PIK3C2G: variants seen among roughly 807,000 people sequenced by gnomAD.
PIK3C2G encodes the protein phosphatidylinositol-4-phosphate 3-kinase catalytic subunit type 2 gamma.
A neutral mutation model predicts 181.1 loss-of-function variants in PIK3C2G; 168 were observed. That is an observed-to-expected ratio of 0.93 (90% CI 0.82 to 1.05). PIK3C2G has a LOEUF of 1.05. PIK3C2G is among the 50% of genes least tolerant of loss of function. PIK3C2G has a pLI of 0.00. For synonymous variants in PIK3C2G, 573 were observed against 592.2 expected (o/e 0.97, Z 0.47); for missense variants, 1,869 against 1,732.8 (o/e 1.08, Z -1.40).
chr12:18,721,715 T>TAA, the PIK3C2G span, among the ~76,000 whole-genome samples: 6 of 139,888 alleles, frequency 4.3e-5, no homozygotes, highest in South Asian at 4.6e-4. Context: ...GTCTTGCTAT[T>TAA]AAAAAAAAAA....
rs375054910 is a variant in PIK3C2G at position 18,640,495 on chromosome 12, G to T, written c.4249G>T (p.Val1417Phe). The change falls in exon 32 of 33, where the codon GTT becomes TTT. Residue 1417 changes from valine (V) to phenylalanine (F), a missense_variant. Physicochemically the swap from Val to Phe is conservative, Grantham distance 50. Transcript: ENST00000538779. ...TTATCTTTTACCATATCCCAGTGAA[G>T]TTCGTAGGAGGAAAACAAAATCTGT... ...EFYLLPYPSE[V>F]RRRKTKSVPK... is the part of the protein sequence containing the mutation. The T allele has an allele frequency of 1.3e-5, 21 of 1,606,956 alleles. No homozygotes were observed. The African/African-American group carries it at 2.3e-4, about 17-fold the overall frequency.
chr12:18,690,209 T>C, the PIK3C2G span, among the ~76,000 whole-genome samples: 4,944 of 151,970 alleles, frequency 0.033, 127 homozygotes, highest in South Asian at 0.089. Context: ...CACATCTGTT[T>C]TTTGTTTGTT....
chr12:18,688,048 G>A, the PIK3C2G span: 1 of 1,601,516 alleles, frequency 6.2e-7, no homozygotes, highest in South Asian at 1.1e-5. Context: ...TTTCCAACAA[G>A]AAGTCTAATG....
At chr12:18,543,507 AT>A (rs1447495341) in intron 25 of PIK3C2G, among the ~76,000 whole-genome samples, 2 of 151,668 alleles carry the variant, frequency 1.3e-5, no homozygotes, top group African/African-American at 4.8e-5. Flanking sequence ...TGTCTTCCAG[AT>A]TTTTATAGCT....
intron 31 of PIK3C2G, among the ~76,000 whole-genome samples, chr12:18,635,200 ATCTT>A: frequency 6.6e-6 from 1 of 152,182 alleles, no homozygotes; most frequent in East Asian, 1.9e-4. Context: ...ACCAGGCCTC[ATCTT>A]TCTTTCTCTT....
chr12:18,709,844 G>A, the PIK3C2G span, among the ~76,000 whole-genome samples: 1 of 151,980 alleles, frequency 6.6e-6, no homozygotes, highest in African/African-American at 2.4e-5. Flanking sequence ...TTTCATCCAT[G>A]TTTTATAGTT....
intron 3 of PIK3C2G, among the ~76,000 whole-genome samples, chr12:18,289,385 G>T (rs1487859747): frequency 6.6e-6 from 1 of 152,206 alleles, no homozygotes; most frequent in East Asian, 1.9e-4. Flanking sequence ...TCATGAATTT[G>T]TATTTTAAAT....
intron 1 of PIK3C2G, among the ~76,000 whole-genome samples, chr12:18,273,305 G>A (rs972030469): frequency 3.3e-5 from 5 of 152,054 alleles, no homozygotes; most frequent in African/African-American, 7.2e-5. Context: ...TTATTTCTGA[G>A]GGCTCTGTTC....
At chr12:18,619,257 C>G (rs1339088246) in intron 31 of PIK3C2G, among the ~76,000 whole-genome samples, 2 of 151,906 alleles carry the variant, frequency 1.3e-5, no homozygotes, top group African/African-American at 4.8e-5. Flanking sequence ...AGTGGAACGT[C>G]TTTAAAATGT....
intron 26 of PIK3C2G, among the ~76,000 whole-genome samples, chr12:18,551,310 A>G (rs1026788940): frequency 6.6e-6 from 1 of 152,068 alleles, no homozygotes; most frequent in African/African-American, 2.4e-5. Context: ...ATCCATTAAA[A>G]TGTTGTCCAA....
chr12:18,586,113 A>T (rs887317005), intron 29 of PIK3C2G, among the ~76,000 whole-genome samples: 1 of 152,182 alleles, frequency 6.6e-6, no homozygotes, highest in Non-Finnish European at 1.5e-5. Flanking sequence ...TCTCAAATTA[A>T]CAACCTAACA....
At chr12:18,260,788 C>A (rs191357860), upstream of PIK3C2G, among the ~76,000 whole-genome samples, 118 of 152,098 alleles carry the variant, frequency 7.8e-4, no homozygotes, top group African/African-American at 2.3e-3. Flanking sequence ...GTAAAGCAGG[C>A]CTACTTCTGG....
At chr12:18,332,769 G>T (rs184293028) in intron 8 of PIK3C2G, among the ~76,000 whole-genome samples, 2 of 152,244 alleles carry the variant, frequency 1.3e-5, no homozygotes, top group East Asian at 3.9e-4. Context: ...TCCTCGTGCA[G>T]CTTAGAGTTT....
chr12:18,428,335 T>TA (rs558543703), intron 18 of PIK3C2G, among the ~76,000 whole-genome samples: 459 of 141,844 alleles, frequency 3.2e-3, no homozygotes, highest in African/African-American at 6.5e-3. Context: ...AAGTCTTATT[T>TA]AAAAAAAAAA....
At chr12:18,648,576 T>C (rs1359265677), downstream of PIK3C2G, among the ~76,000 whole-genome samples, 1 of 152,176 alleles carries the variant, frequency 6.6e-6, no homozygotes, top group African/African-American at 2.4e-5. Flanking sequence ...TTACATTCAA[T>C]TGTTGGAAGA....
chr12:18,588,558 T>C (rs528808119), intron 29 of PIK3C2G, among the ~76,000 whole-genome samples: 1 of 152,012 alleles, frequency 6.6e-6, no homozygotes, highest in Non-Finnish European at 1.5e-5. Context: ...CTTACACCAG[T>C]CAGAATAGCT....
At chr12:18,464,133 C>G (rs1447623159) in intron 18 of PIK3C2G, among the ~76,000 whole-genome samples, 2 of 152,018 alleles carry the variant, frequency 1.3e-5, no homozygotes, top group African/African-American at 4.8e-5. Context: ...TGAAAAGGGG[C>G]TGCCTCAAGT....
rs754712691 is a variant in PIK3C2G, at chr12:18,282,276, G to T, written c.195G>T (p.Val65=). 1.9e-6 allele frequency: 3 copies of T among 1,613,238 alleles called. No homozygotes were observed. In the Admixed American group the frequency reaches 5.0e-5, roughly 27 times the overall value. The change falls in exon 2 of 33, where the codon GTG becomes GTT. Residue 65 remains valine (V), a synonymous_variant. Coordinates refer to ENST00000538779, the MANE Select transcript of PIK3C2G (RefSeq NM_001288772.2). Reference sequence around the variant, plus strand: ...AAATTGATGAAAACACCTTTTTTGTGCCCACTGCACCAAAATGGGACTCAA... The same window carrying T: ...AAATTGATGAAAACACCTTTTTTGTTCCCACTGCACCAAAATGGGACTCAA... ...ESEIDENTFF[V]PTAPKWDSTG...
intron 15 of PIK3C2G, among the ~76,000 whole-genome samples, chr12:18,395,047 TTC>T (rs1267163530): frequency 1.4e-5 from 2 of 143,844 alleles, no homozygotes; most frequent in African/African-American, 5.1e-5. Context: ...TTCTTTCATT[TTC>T]TCTTTCCTTC....
Sources: gnomAD v4.1 joint callset for allele counts (sites outside exome capture counted in the v4.1 genomes callset) on GRCh38, gnomAD v4.1.1 for gene constraint, MANE v1.5 for transcripts, NCBI Gene and HGNC (gene_info 2026-07-23, HGNC 2026-07-21) for gene names.